The following ARPC3 variants were observed in gnomAD, a reference collection of about 807,000 sequenced individuals.
ARPC3 encodes the protein actin-related protein 2/3 complex subunit 3.
Under a neutral mutation model 27.6 loss-of-function variants are expected in ARPC3, and 12 were observed. That is an observed-to-expected ratio of 0.43 (90% CI 0.28 to 0.70). The LOEUF is 0.70. Among genes scored for constraint, ARPC3 ranks in the 30% least tolerant of loss-of-function variants. The pLI is 0.17. For missense variants in ARPC3, 153 were observed against 207.7 expected, an observed-to-expected ratio of 0.74 and a Z score of 1.62; for synonymous variants, 53 against 67.2, an observed-to-expected ratio of 0.79 and a Z score of 1.03.
At chr12:110,437,198 CAAT>C in intron 3 of ARPC3, 46 bp from the exon 4 acceptor site, 3 of 1,220,256 alleles carry the variant, frequency 2.5e-6, no homozygotes, top group African/African-American at 1.5e-5. Context: ...CAAAACATAA[CAAT>C]GATGTGCAAT....
At chr12:110,444,310 A>C (rs2062453216) in intron 2 of ARPC3, among the ~76,000 whole-genome samples, 2 of 148,996 alleles carry the variant, frequency 1.3e-5, no homozygotes, top group South Asian at 4.3e-4. Flanking sequence ...TTTGAGATGA[A>C]GTCTCACTCT....
chr12:110,436,445 G>C, intron 5 of ARPC3, 112 bp downstream of exon 5: 1 of 1,520,424 alleles, frequency 6.6e-7, no homozygotes, highest in Non-Finnish European at 9.1e-7. Flanking sequence ...TACTTCCTAT[G>C]ATTTCACTCT....
intron 1 of ARPC3, among the ~76,000 whole-genome samples, chr12:110,449,320 T>C (rs1004004646): frequency 2.0e-5 from 3 of 151,858 alleles, no homozygotes; most frequent in South Asian, 4.2e-4. Context: ...CCCAGCACTT[T>C]GGGAGACCGA....
intron 1 of ARPC3, among the ~76,000 whole-genome samples, chr12:110,450,040 C>A (rs2062492066): frequency 6.6e-6 from 1 of 152,126 alleles, no homozygotes; most frequent in African/African-American, 2.4e-5. Context: ...CACCCTGGAC[C>A]CTTGGCCCAC....
At chr12:110,435,614 G>A (rs1052084389) in intron 6 of ARPC3, among the ~76,000 whole-genome samples, 16 of 152,056 alleles carry the variant, frequency 1.1e-4, no homozygotes, top group Non-Finnish European at 1.8e-4. Context: ...AGAGGCGTGA[G>A]CCACCGCGCC....
At chr12:110,442,792 T>C (rs2062445217) in intron 2 of ARPC3, 1 of 152,168 alleles carries the variant, frequency 6.6e-6, no homozygotes, top group African/African-American at 2.4e-5. Flanking sequence ...CAAGCTGTTG[T>C]AGGTAGCTCT....
In ARPC3 at chr12:110,436,698, AT is replaced by A. The variant is rs762325831; in HGVS notation, c.253-16del. On this transcript the variant is annotated splice_polypyrimidine_tract_variant and intron_variant, in intron 4 of 6. Transcript: ENST00000228825. ...TTGGAATTGCACTGGAAAAAAAAATATATATATATATATACACACACACACA... is the reference window on the plus strand; with the variant it reads ...TTGGAATTGCACTGGAAAAAAAAATAATATATATATATACACACACACACA... The A allele has an allele frequency of 0.01, 6,677 of 638,930 alleles. 497 individuals carry two copies. Among genetic ancestry groups the A allele is most frequent in the African/African-American group, 0.051 (1,816 of 35,298 alleles). The allele number at this position is 638,930 out of a possible 1,614,324, so 39.6% of individuals were successfully genotyped here. A position where few individuals can be genotyped will look rare whatever the true frequency, so the allele number is the denominator to read the frequency against.
At chr12:110,445,605 T>C in intron 1 of ARPC3, 54 bp from the exon 2 acceptor site, 2 of 1,318,930 alleles carry the variant, frequency 1.5e-6, no homozygotes, top group Non-Finnish European at 1.1e-6. Context: ...CAAATGTCAC[T>C]GTGGCAAACA....
In ARPC3 at chr12:110,436,673, T is replaced by C. The variant is rs745470349; in HGVS notation, c.263A>G (p.Lys88Arg). ...ATACATTTCTTTCTCACCTTGGCTT[T>C]TGGAATTGCACTGGAAAAAAAAATA... ...CLKKLQKCNS[K>R]SQGEKEMYTL... The change falls in exon 5 of 7, where the codon AAA (lysine) becomes AGA (arginine). Residue 88 changes from lysine to arginine, a missense_variant. By Grantham distance (26) the Lys-to-Arg change is conservative. Coordinates refer to ENST00000228825, the MANE Select transcript of ARPC3 (RefSeq NM_001278556.2). 5.0e-6 allele frequency: 8 copies of C among 1,593,044 alleles called. No homozygotes were observed. Among genetic ancestry groups the C allele is most frequent in the Middle Eastern group, 1.7e-4 (1 of 6,042 alleles).
rs1388184729 is a variant in ARPC3 at position 110,437,103 on chromosome 12, C to T, written c.233G>A (p.Cys78Tyr). The T allele has an allele frequency of 6.2e-7, 1 of 1,602,540 alleles. No homozygotes were observed. Among genetic ancestry groups the T allele is most frequent in the Non-Finnish European group, 8.5e-7 (1 of 1,169,910 alleles). Residue 78 changes from cysteine to tyrosine, a missense_variant, in exon 4 of 7, where the codon TGT becomes TAT. Transcript: ENST00000228825. ...LIYITLYISECLKKLQKCNSK... is the reference protein window; with the variant it reads ...LIYITLYISEYLKKLQKCNSK... ...AATTACCTTTTGCAGTTTCTTCAGACATTCAGAAATGTAGAGAGTTATATA... is the reference window on the plus strand; with the variant it reads ...AATTACCTTTTGCAGTTTCTTCAGATATTCAGAAATGTAGAGAGTTATATA...
intron 6 of ARPC3, among the ~76,000 whole-genome samples, chr12:110,435,703 A>C (rs2062399550): frequency 6.6e-6 from 1 of 151,880 alleles, no homozygotes; most frequent in South Asian, 2.1e-4. Context: ...GGCTCACTGC[A>C]ACCTCCACTT....
At chr12:110,443,519 G>T (rs532260302) in intron 2 of ARPC3, among the ~76,000 whole-genome samples, 3 of 151,986 alleles carry the variant, frequency 2.0e-5, no homozygotes, top group African/African-American at 7.3e-5. Flanking sequence ...TGCAACCTCC[G>T]CCTCCTGAGT....
intron 4 of ARPC3, 115 bp downstream of exon 4, chr12:110,436,969 C>G (rs2062409744): frequency 1.2e-6 from 1 of 828,376 alleles, no homozygotes; most frequent in Non-Finnish European, 2.1e-6. Context: ...TGCTGTAAGT[C>G]AGAGGAAATA....
At chr12:110,439,265 G>A (rs1424864592) in intron 3 of ARPC3, among the ~76,000 whole-genome samples, 2 of 151,934 alleles carry the variant, frequency 1.3e-5, no homozygotes, top group African/African-American at 2.4e-5. Context: ...GATTACAGGC[G>A]TGAGCCACCA....
At position 110,436,705 on chromosome 12, in the gene ARPC3, TATATATACACACACACACACACAC is replaced by T. The variant is rs2062406954; in HGVS notation, c.253-46_253-23del. 4 of 921,214 alleles carry T rather than the reference TATATATACACACACACACACACAC, an allele frequency of 4.3e-6. No homozygotes were observed. The African/African-American group carries it at 8.5e-5, about 20-fold the overall frequency. 57.1% of individuals were successfully genotyped at this position (921,214 alleles called of 1,614,324 possible). A position where few individuals can be genotyped will look rare whatever the true frequency, so the allele number is the denominator to read the frequency against. On this transcript the variant is annotated intron_variant, in intron 4 of 6. Transcript: ENST00000228825. ...TGCACTGGAAAAAAAAATATATATATATATATACACACACACACACACACACACACACACACACACACACACACA... is the reference window on the plus strand; with the variant it reads ...TGCACTGGAAAAAAAAATATATATATACACACACACACACACACACACACA...
At chr12:110,435,282 T>A in intron 6 of ARPC3, 65 bp from the exon 7 acceptor site, 1 of 1,261,896 alleles carries the variant, frequency 7.9e-7, no homozygotes, top group Non-Finnish European at 1.2e-6. Flanking sequence ...TGCATTTATT[T>A]AATAATAAAA....
At chr12:110,441,175 C>G (rs565781123) in intron 2 of ARPC3, among the ~76,000 whole-genome samples, 2 of 148,318 alleles carry the variant, frequency 1.3e-5, no homozygotes, top group Non-Finnish European at 3.0e-5. Flanking sequence ...AGTCTTGCTC[C>G]GTCGCCCAGA....
intron 1 of ARPC3, among the ~76,000 whole-genome samples, chr12:110,446,159 C>CTT (rs1301415471): frequency 1.4e-5 from 2 of 140,718 alleles, no homozygotes; most frequent in Non-Finnish European, 1.6e-5. Context: ...TTCATCACTT[C>CTT]TTTTTTTTTT....
rs545771221 is a variant in ARPC3 at position 110,446,035 on chromosome 12, G to A, written c.7-484C>T. On this transcript the variant is annotated intron_variant, in intron 1 of 6. Coordinates refer to ENST00000228825, the MANE Select transcript of ARPC3 (RefSeq NM_001278556.2). The stretch of plus-strand genomic sequence containing the variant: ...GGAGAATCACTTGAACCCAGGAGGC[G>A]AAGGCTGCAGTGAGCCGAGATCGTG... 5.8e-4 allele frequency among the ~76,000 whole-genome samples: 88 copies of A among 151,238 alleles called. 1 individual carries two copies. Among genetic ancestry groups the A allele is most frequent in the African/African-American group, 2.1e-3 (86 of 41,206 alleles).
Sources: allele counts gnomAD v4.1 joint callset (sites outside exome capture counted in the v4.1 genomes callset), GRCh38; gene constraint gnomAD v4.1.1; transcripts MANE v1.5; gene names NCBI Gene and HGNC (gene_info 2026-07-23, HGNC 2026-07-21).